The following MMAB variants were observed in gnomAD, a reference collection of about 807,000 sequenced individuals.
The protein encoded by MMAB is corrinoid adenosyltransferase MMAB.
Under a neutral mutation model 30.6 loss-of-function variants are expected in MMAB, and 17 were observed. The observed-to-expected ratio is 0.56, with a 90% CI of 0.38 to 0.83. MMAB has a LOEUF of 0.83. Ranked by LOEUF, MMAB falls within the 40% of genes least tolerant of loss-of-function variation. MMAB has a pLI of 0.00. For missense variants in MMAB, 311 were observed against 331.6 expected (o/e 0.94, Z 0.48); for synonymous variants, 134 against 138.6 (o/e 0.97, Z 0.23).
In MMAB at chr12:109,564,583, G is replaced by C. The variant is rs61940510; in HGVS notation, c.348+536C>G. Among the ~76,000 whole-genome samples, 957 of 151,012 alleles carry C rather than the reference G, an allele frequency of 6.3e-3. 5 individuals carry two copies. Among genetic ancestry groups the C allele is most frequent in the Non-Finnish European group, 0.012 (783 of 67,718 alleles). ...TTTTTTTTTTTTTTTGTAGAGACAG[G>C]GTCTCCCTAAGTTGCCCAGGCTGGT... On this transcript the variant is annotated intron_variant, in intron 4 of 8. Transcript: ENST00000545712.
Position 109,556,992 on chromosome 12 carries a change from A to C in MMAB, c.*36T>G, listed in dbSNP as rs1031181846. 7.1e-7 allele frequency: 1 copy of C among 1,407,222 alleles called. No individual in the cohort carries two copies. The highest frequency in any genetic ancestry group is 1.0e-6 in the Non-Finnish European group (1 of 992,656). The allele number at this position is 1,407,222 out of a possible 1,614,324, so 87.2% of individuals were successfully genotyped here. ...AGCTCCTCTCTCCACGGCCATCGCC[A>C]TGGAGGGATCCTCCAAGCTCCCACT... On this transcript the variant is annotated 3_prime_UTR_variant, in exon 9 of 9. Transcript: ENST00000545712.
intron 3 of MMAB, among the ~76,000 whole-genome samples, chr12:109,566,537 G>A (rs1884434400): frequency 6.6e-6 from 1 of 152,196 alleles, no homozygotes; most frequent in Non-Finnish European, 1.5e-5. Context: ...CCTGCTTGCC[G>A]AGGGATGCCC....
intron 2 of MMAB, among the ~76,000 whole-genome samples, chr12:109,570,448 C>A (rs1884592854): frequency 2.6e-5 from 4 of 152,164 alleles, no homozygotes; most frequent in Admixed American, 2.0e-4. Flanking sequence ...ACCATTTTGA[C>A]CCTTCTTAAG....
rs1322897394 is a variant in MMAB at position 109,554,008 on chromosome 12, T to C, written c.*3020A>G. On this transcript the variant is annotated 3_prime_UTR_variant, in exon 9 of 9. Transcript: ENST00000545712. ...GAAATATTAGTTAAGGGAAACTAGG[T>C]TGAGAAATGAGACAGCAGGATCTAT... 6.6e-6 allele frequency: 3 copies of C among 453,860 alleles called. No homozygotes were observed. The highest frequency in any genetic ancestry group is 8.8e-6 in the Non-Finnish European group (2 of 226,766). 28.1% of individuals were successfully genotyped at this position (453,860 alleles called of 1,614,324 possible). A position where few individuals can be genotyped will look rare whatever the true frequency, so the allele number is the denominator to read the frequency against.
Position 109,569,247 on chromosome 12 carries a change from T to C in MMAB, c.197-384A>G, listed in dbSNP as rs1361276865. Among the ~76,000 whole-genome samples, 1 of 152,182 alleles carries C rather than the reference T, an allele frequency of 6.6e-6. No individual in the cohort carries two copies. Among genetic ancestry groups the C allele is most frequent in the Non-Finnish European group, 1.5e-5 (1 of 68,032 alleles). On this transcript the variant is annotated intron_variant, in intron 2 of 8. Transcript: ENST00000545712. This position sits in a 1 kb window ranked among gnomAD's most constrained non-coding sequence, Gnocchi z 4.1. ...CAGGCATGAGCCACCGTACCACCCC[T>C]TAAAGAACTTTCAACTTGAAATATA...
At chr12:109,563,535 C>A (rs1330387163) in intron 4 of MMAB, among the ~76,000 whole-genome samples, 1 of 152,204 alleles carries the variant, frequency 6.6e-6, no homozygotes, top group East Asian at 1.9e-4. Flanking sequence ...AGGTTAACAC[C>A]CCTTGTGATG....
Position 109,558,952 on chromosome 12 carries a change from G to A in MMAB, c.644+144C>T. On this transcript the variant is annotated intron_variant, in intron 8 of 8. Transcript: ENST00000545712. The surrounding 1 kb of genome is among the most constrained non-coding windows in gnomAD (Gnocchi z 4.3). ...TGCCCGGCGTGGTGCCTGGCACAGA[G>A]CAGATGTTCATAAACACTAAGGGAA... 5 of 701,240 alleles carry A rather than the reference G, an allele frequency of 7.1e-6. No homozygotes were observed. Among genetic ancestry groups the A allele is most frequent in the South Asian group, 4.5e-5 (3 of 66,172 alleles). The allele number at this position is 701,240 out of a possible 1,614,324, so 43.4% of individuals were successfully genotyped here.
rs1449680337 is a variant in MMAB at position 109,561,382 on chromosome 12, C to T, written c.519+38G>A. ...CCATGTGTGTCTGTCACTGAACCTGCCTGCAGCCGCCCCCGGTTAAGCCTG... is the reference window on the plus strand; with the variant it reads ...CCATGTGTGTCTGTCACTGAACCTGTCTGCAGCCGCCCCCGGTTAAGCCTG... On this transcript the variant is annotated intron_variant, in intron 6 of 8. Coordinates refer to ENST00000545712, the MANE Select transcript of MMAB (RefSeq NM_052845.4). The surrounding 1 kb of genome is among the most constrained non-coding windows in gnomAD (Gnocchi z 5.3). The T allele has an allele frequency of 1.9e-6, 3 of 1,546,530 alleles. No homozygotes were observed. The highest frequency in any genetic ancestry group is 1.4e-5 in the African/African-American group (1 of 73,038).
At chr12:109,570,409 G>C (rs1422502816) in intron 2 of MMAB, among the ~76,000 whole-genome samples, 1 of 152,048 alleles carries the variant, frequency 6.6e-6, no homozygotes, top group Non-Finnish European at 1.5e-5. Context: ...TTTTAATTGT[G>C]GTAACAGATG....
chr12:109,557,921 G>C lies in MMAB; in HGVS notation c.645-785C>G, dbSNP rs560837923. Reference sequence around the variant, plus strand: ...GCAGGGGCAGCAGTGGAGGGAACTAGAGGACGACGCCACGGGCCCCAGAAG... The same window carrying C: ...GCAGGGGCAGCAGTGGAGGGAACTACAGGACGACGCCACGGGCCCCAGAAG... On this transcript the variant is annotated intron_variant, in intron 8 of 8. Coordinates refer to ENST00000545712, the MANE Select transcript of MMAB (RefSeq NM_052845.4). Among the ~76,000 whole-genome samples, 9 of 152,376 alleles carry C rather than the reference G, an allele frequency of 5.9e-5. No individual in the cohort carries two copies. In the South Asian group the frequency reaches 1.9e-3, roughly 32 times the overall value.
At chr12:109,560,440 T>C (rs57039720) in intron 7 of MMAB, among the ~76,000 whole-genome samples, 7,862 of 152,346 alleles carry the variant, frequency 0.052, 285 homozygotes, top group Middle Eastern at 0.082. Context: ...GCTTGCTTTC[T>C]CTTCTCTGTA....
In MMAB at chr12:109,557,791, C is replaced by T. The variant is rs142945730; in HGVS notation, c.645-655G>A. ...TGCCTCCAAACATCGCCAAAGGTAC[C>T]GGGTGAGAAGCACAGGCTGGAGCAC... is the stretch of plus-strand genomic sequence containing the variant. On this transcript the variant is annotated intron_variant, in intron 8 of 8. Transcript: ENST00000545712. Among the ~76,000 whole-genome samples the T allele has an allele frequency of 1.3e-3, 197 of 152,322 alleles. 2 individuals carry two copies. The South Asian group carries it at 0.035, about 27-fold the overall frequency.
intron 2 of MMAB, among the ~76,000 whole-genome samples, chr12:109,571,292 A>G (rs929003949): frequency 1.3e-5 from 2 of 151,040 alleles, no homozygotes; most frequent in African/African-American, 4.9e-5. Flanking sequence ...TCTGTCACCC[A>G]GGCTGGAGTG....
chr12:109,565,503 A>T (rs912853412), intron 3 of MMAB, among the ~76,000 whole-genome samples: 1 of 152,196 alleles, frequency 6.6e-6, no homozygotes, highest in Non-Finnish European at 1.5e-5. Flanking sequence ...GAGCAGTGAC[A>T]GTCTCAAGTG....
Position 109,561,573 on chromosome 12 carries a change from G to A in MMAB, c.422-56C>T. 1.4e-6 allele frequency: 2 copies of A among 1,466,846 alleles called. No individual in the cohort carries two copies. The highest frequency in any genetic ancestry group is 1.2e-5 in the South Asian group (1 of 82,446). 90.9% of individuals were successfully genotyped at this position (1,466,846 alleles called of 1,614,324 possible). A position where few individuals can be genotyped will look rare whatever the true frequency, so the allele number is the denominator to read the frequency against. ...ATGAGGCCATCACCCACCAGACCAT[G>A]GCGGGAACCACCCCCGCCGCCCTTC... On this transcript the variant is annotated intron_variant, in intron 5 of 8. Transcript: ENST00000545712. This position sits in a 1 kb window ranked among gnomAD's most constrained non-coding sequence, Gnocchi z 5.3.
In MMAB at chr12:109,561,062, CGGCCCGGCA is replaced by C. The variant is rs1566132254; in HGVS notation, c.553_561del (p.Cys185_Ala187del). The C allele has an allele frequency of 6.2e-7, 1 of 1,610,732 alleles. No homozygotes were observed. Among genetic ancestry groups the C allele is most frequent in the East Asian group, 2.2e-5 (1 of 44,836 alleles). On this transcript the variant is annotated inframe_deletion, in exon 7 of 9. Transcript: ENST00000545712. This position sits in a 1 kb window ranked among gnomAD's most constrained non-coding sequence, Gnocchi z 5.3. ...TACCGTCTCTCGGCCCGGCGGCACACGGCCCGGCAGAAATGCAGCGCCGAGCTGATCTTG... is the reference window on the plus strand; with the variant it reads ...TACCGTCTCTCGGCCCGGCGGCACACGAAATGCAGCGCCGAGCTGATCTTG...
chr12:109,570,639 C>G (rs1884599686), intron 2 of MMAB, among the ~76,000 whole-genome samples: 1 of 151,918 alleles, frequency 6.6e-6, no homozygotes, highest in African/African-American at 2.4e-5. Context: ...GGAGGCTGAG[C>G]TGGGAGGATA....
chr12:109,553,900 C>A lies in MMAB; in HGVS notation c.*3128G>T, dbSNP rs762242351. The A allele has an allele frequency of 2.2e-6, 1 of 454,048 alleles. No homozygotes were observed. Among genetic ancestry groups the A allele is most frequent in the Non-Finnish European group, 4.4e-6 (1 of 226,796 alleles). 28.1% of individuals were successfully genotyped at this position (454,048 alleles called of 1,614,324 possible). A position where few individuals can be genotyped will look rare whatever the true frequency, so the allele number is the denominator to read the frequency against. On this transcript the variant is annotated 3_prime_UTR_variant, in exon 9 of 9. Coordinates refer to ENST00000545712, the MANE Select transcript of MMAB (RefSeq NM_052845.4). ...ATTGCCACTGACGGGGGCTTCCGAA[C>A]TGGGGACGTTTGTCATTGGGATGTG...
intron 8 of MMAB, among the ~76,000 whole-genome samples, chr12:109,557,830 G>A (rs998706760): frequency 1.3e-5 from 2 of 152,196 alleles, no homozygotes; most frequent in Non-Finnish European, 2.9e-5. Context: ...AGAGACCAGA[G>A]CCCAGCCCCT....
Sources: gnomAD v4.1 joint callset for allele counts (sites outside exome capture counted in the v4.1 genomes callset) on GRCh38, gnomAD v4.1.1 for gene constraint, Gnocchi (gnomAD v3.1) non-coding constraint, MANE v1.5 for transcripts, NCBI Gene and HGNC (gene_info 2026-07-23, HGNC 2026-07-21) for gene names.